Variants in VPS35 observed in about 807,000 individuals in gnomAD.
VPS35 encodes VPS35 retromer complex component.
Under a neutral mutation model 98.1 loss-of-function variants are expected in VPS35, and 21 were observed. The ratio of observed to expected loss-of-function variants is 0.21; its 90% confidence interval spans 0.15 to 0.31. The LOEUF is 0.31. Among genes scored for constraint, VPS35 ranks in the 10% least tolerant of loss-of-function variants. The pLI is 1.00. For synonymous variants in VPS35, 268 were observed against 318.2 expected, an observed-to-expected ratio of 0.84 and a Z score of 1.68; for missense variants, 554 against 950.8, an observed-to-expected ratio of 0.58 and a Z score of 5.49.
Position 46,661,850 on chromosome 16 carries a change from G to A in VPS35, c.2079C>T (p.Gly693=), listed in dbSNP as rs781775490. ...TTTTTAGGCACTCCATTACCCTCTT[G>A]CCTCCGTGAAGCTAAAATAAAAGGG... ...TDKNGEELHG[G]KRVMECLKKA... The change falls in exon 16 of 17, where the codon GGC becomes GGT. Residue 693 remains glycine (G), a synonymous_variant. Transcript: ENST00000299138. This position sits in a 1 kb window ranked among gnomAD's most constrained non-coding sequence, Gnocchi z 4.3. 8 of 1,613,914 alleles carry A rather than the reference G, an allele frequency of 5.0e-6. No individual in the cohort carries two copies. The African/African-American group carries it at 1.1e-4, about 22-fold the overall frequency.
At chr16:46,665,722 A>C (rs906256358) in intron 13 of VPS35, among the ~76,000 whole-genome samples, 1 of 152,192 alleles carries the variant, frequency 6.6e-6, no homozygotes, top group African/African-American at 2.4e-5. Context: ...TTTGATCCCC[A>C]GAATTTTTTT....
In VPS35 at chr16:46,680,653, A is replaced by G; in HGVS notation, c.506+18T>C. ...TGAAAGAAATATTGCAACAAAATTA[A>G]GAAAGAAAATCACTTACTCTGTTGG... On this transcript the variant is annotated intron_variant, in intron 5 of 16. Transcript: ENST00000299138. The G allele has an allele frequency of 6.2e-7, 1 of 1,611,992 alleles. No homozygotes were observed. The highest frequency in any genetic ancestry group is 8.5e-7 in the Non-Finnish European group (1 of 1,178,580).
intron 1 of VPS35, 174 bp downstream of exon 1, chr16:46,688,957 G>C: frequency 6.7e-7 from 1 of 1,501,726 alleles, no homozygotes; most frequent in African/African-American, 1.4e-5. Flanking sequence ...GCCCGGATCA[G>C]CCTGCCCGCG....
At chr16:46,666,930 G>C (rs1259528201) in intron 13 of VPS35, among the ~76,000 whole-genome samples, 3 of 152,130 alleles carry the variant, frequency 2.0e-5, no homozygotes, top group Non-Finnish European at 4.4e-5. Context: ...AATAAACATG[G>C]GAGTGCAGAT....
intron 1 of VPS35, chr16:46,688,272 C>A (rs1242951519): frequency 1.0e-6 from 1 of 983,164 alleles, no homozygotes; most frequent in Non-Finnish European, 1.2e-6. Flanking sequence ...TTACACAGTG[C>A]AGGCTATGTT....
At chr16:46,675,549 T>G (rs979951875) in intron 8 of VPS35, among the ~76,000 whole-genome samples, 4 of 152,102 alleles carry the variant, frequency 2.6e-5, no homozygotes, top group African/African-American at 9.7e-5. Flanking sequence ...CCTTTAAGAG[T>G]GGGCCCAATA....
chr16:46,662,117 A>C lies in VPS35; in HGVS notation c.2067+126T>G. 3 of 1,557,426 alleles carry C rather than the reference A, an allele frequency of 1.9e-6. No individual in the cohort carries two copies. In the South Asian group the frequency reaches 3.4e-5, roughly 18 times the overall value. Reference sequence around the variant, plus strand: ...AGGATGAGACTCTCTTTTTTAACAAAACAAAGCAATTTTGTTCATCAGATT... The same window carrying C: ...AGGATGAGACTCTCTTTTTTAACAACACAAAGCAATTTTGTTCATCAGATT... On this transcript the variant is annotated intron_variant, in intron 15 of 16. Coordinates refer to ENST00000299138, the MANE Select transcript of VPS35 (RefSeq NM_018206.6).
intron 7 of VPS35, 132 bp downstream of exon 7, chr16:46,677,183 A>G: frequency 1.2e-6 from 1 of 835,060 alleles, no homozygotes; most frequent in Non-Finnish European, 2.0e-6. Context: ...GGTGTGAGTC[A>G]CCACACCCCG....
intron 1 of VPS35, 111 bp downstream of exon 1, chr16:46,689,020 C>T (rs1966374852): frequency 1.3e-6 from 2 of 1,555,118 alleles, no homozygotes; most frequent in Non-Finnish European, 8.7e-7. Flanking sequence ...TGGTCTTAAT[C>T]CCGAACGGTC....
chr16:46,657,016 A>C lies in VPS35; in HGVS notation c.*3456T>G, dbSNP rs1965849549. ...GCAAGACTCCGTCTCAAAAAAATAAAATATACAGTCCCTCTCCAGAGATTT... is the reference window on the plus strand; with the variant it reads ...GCAAGACTCCGTCTCAAAAAAATAACATATACAGTCCCTCTCCAGAGATTT... On this transcript the variant is annotated 3_prime_UTR_variant, in exon 17 of 17. Transcript: ENST00000299138. 6.6e-6 allele frequency: 1 copy of C among 152,240 alleles called. No individual in the cohort carries two copies. The highest frequency in any genetic ancestry group is 2.4e-5 in the African/African-American group (1 of 41,436). 9.4% of individuals were successfully genotyped at this position (152,240 alleles called of 1,614,324 possible). A position where few individuals can be genotyped will look rare whatever the true frequency, so the allele number is the denominator to read the frequency against.
At chr16:46,678,673 C>G (rs1966188344) in intron 6 of VPS35, among the ~76,000 whole-genome samples, 1 of 152,246 alleles carries the variant, frequency 6.6e-6, no homozygotes, top group East Asian at 1.9e-4. Flanking sequence ...ACTTTAGAAT[C>G]AGCTTCTTAA....
At chr16:46,686,786 T>G (rs1966324071) in intron 1 of VPS35, among the ~76,000 whole-genome samples, 1 of 152,192 alleles carries the variant, frequency 6.6e-6, no homozygotes, top group Non-Finnish European at 1.5e-5. Context: ...ACTTCACAGC[T>G]ACATGAATCA....
chr16:46,689,034 G>A, intron 1 of VPS35, 97 bp downstream of exon 1: 1 of 1,564,214 alleles, frequency 6.4e-7, no homozygotes, highest in South Asian at 1.2e-5. Context: ...AACGGTCTGT[G>A]GGGCCCCTTC....
Position 46,674,640 on chromosome 16 carries a change from C to T in VPS35, c.935G>A (p.Arg312His), listed in dbSNP as rs759749769. The change falls in exon 9 of 17, where the codon CGT (arginine) becomes CAT (histidine). Residue 312 changes from arginine to histidine, a missense_variant. This residue lies in a region of VPS35 where 254 missense variants were observed against 390.1 expected (regional missense o/e 0.65). Coordinates refer to ENST00000299138, the MANE Select transcript of VPS35 (RefSeq NM_018206.6). The stretch of plus-strand genomic sequence containing the variant: ...CGCTGGGATTCCAGGTCCATCTTCA[C>T]GGTGAGCAAATAAAGCTAATCTAAA... ...LIDRLALFAH[R>H]EDGPGIPADI... The T allele has an allele frequency of 6.2e-6, 10 of 1,608,482 alleles. No individual in the cohort carries two copies. The highest frequency in any genetic ancestry group is 1.7e-5 in the Admixed American group (1 of 59,406).
intron 10 of VPS35, 98 bp from the exon 11 acceptor site, chr16:46,672,570 A>C: frequency 1.0e-6 from 1 of 1,001,510 alleles, no homozygotes; most frequent in Admixed American, 2.0e-5. Context: ...TTCATTACAC[A>C]TTAAAGGAAA....
At chr16:46,673,032 GGTT>G (rs914950815) in intron 10 of VPS35, among the ~76,000 whole-genome samples, 2 of 152,070 alleles carry the variant, frequency 1.3e-5, no homozygotes, top group African/African-American at 4.8e-5. Flanking sequence ...CCTCTTTAGA[GGTT>G]GTTATTTCTA....
At chr16:46,665,665 G>A (rs1018663055) in intron 13 of VPS35, among the ~76,000 whole-genome samples, 3 of 151,318 alleles carry the variant, frequency 2.0e-5, no homozygotes, top group Admixed American at 6.6e-5. Flanking sequence ...AGAAATGCTA[G>A]TAAATAAGTA....
In VPS35 at chr16:46,674,790, T is replaced by C. The variant is rs1966120852; in HGVS notation, c.915-130A>G. On this transcript the variant is annotated intron_variant, in intron 8 of 16. Transcript: ENST00000299138. ...GCCCAAAAGGTTTTTGTTTTTTTTG[T>C]TTTGTTTTGTTTTGTTTTGAGACAG... The C allele has an allele frequency of 1.7e-5, 15 of 872,560 alleles. No individual in the cohort carries two copies. The South Asian group carries it at 2.1e-4, about 12-fold the overall frequency. The allele number at this position is 872,560 out of a possible 1,614,324, so 54.1% of individuals were successfully genotyped here. A position where few individuals can be genotyped will look rare whatever the true frequency, so the allele number is the denominator to read the frequency against.
At chr16:46,669,190 A>G (rs910833495) in intron 12 of VPS35, 138 bp from the exon 13 acceptor site, 7 of 1,085,416 alleles carry the variant, frequency 6.4e-6, no homozygotes, top group Middle Eastern at 2.8e-4. Context: ...GGCAATTTAC[A>G]TATTTCTTAT....
Sources: gnomAD v4.1 joint callset for allele counts (sites outside exome capture counted in the v4.1 genomes callset) on GRCh38, gnomAD v4.1.1 for gene constraint, gnomAD v4.1.1 regional missense constraint, Gnocchi (gnomAD v3.1) non-coding constraint, MANE v1.5 for transcripts, NCBI Gene and HGNC (gene_info 2026-07-23, HGNC 2026-07-21) for gene names.